SHLD1: variants seen among roughly 807,000 people sequenced by gnomAD.
SHLD1 encodes the protein shieldin complex subunit 1, also known as RINN1-REV7-interacting novel NHEJ regulator 3.
A neutral mutation model predicts 5.5 loss-of-function variants in SHLD1; 3 were observed. That is an observed-to-expected ratio of 0.54 (90% CI 0.25 to 1.40). The LOEUF (loss-of-function observed/expected upper bound fraction) is 1.40, where lower values mean the gene tolerates loss of function less well. Ranked by LOEUF, SHLD1 falls within the 40% of genes most tolerant of loss-of-function variation. The pLI, the probability that SHLD1 is intolerant of heterozygous loss-of-function variation, is 0.15. For synonymous variants in SHLD1, 92 were observed against 94.3 expected (o/e 0.98, Z 0.14); for missense variants, 210 against 244.4 (o/e 0.86, Z 0.94).
chr20:5,756,689 C>CTT (rs35462391), intron 1 of SHLD1: 29 of 80,360 alleles, frequency 3.6e-4, no homozygotes, highest in South Asian at 1.8e-3. Context: ...TTCTTTCTTT[C>CTT]TTTTTTTTTT....
At chr20:5,832,817 A>G in intron 2 of SHLD1, among the ~76,000 whole-genome samples, 1 of 138,326 alleles carries the variant, frequency 7.2e-6, no homozygotes, top group East Asian at 1.9e-4. Context: ...ATAAATAAAT[A>G]AATAAATAAA....
intron 2 of SHLD1, among the ~76,000 whole-genome samples, chr20:5,856,194 G>A (rs1411883685): frequency 1.3e-5 from 2 of 152,242 alleles, no homozygotes; most frequent in Admixed American, 6.5e-5. Context: ...ATTAACGTCT[G>A]AGCAGAGACC....
intron 2 of SHLD1, among the ~76,000 whole-genome samples, chr20:5,783,261 A>G (rs2087010895): frequency 6.6e-6 from 1 of 152,134 alleles, no homozygotes; most frequent in African/African-American, 2.4e-5. Flanking sequence ...GTCTCACTCC[A>G]TCACCCAGGC....
At chr20:5,850,394 G>C (rs1489798462) in intron 2 of SHLD1, among the ~76,000 whole-genome samples, 1 of 151,884 alleles carries the variant, frequency 6.6e-6, no homozygotes, top group East Asian at 1.9e-4. Flanking sequence ...CTAGGCTCTT[G>C]GGCATTCTCA....
Position 5,808,219 on chromosome 20 carries a change from G to A in SHLD1, c.178+35176G>A, listed in dbSNP as rs541715950. 7.3e-5 allele frequency among the ~76,000 whole-genome samples: 11 copies of A among 150,446 alleles called. No individual in the cohort carries two copies. The South Asian group carries it at 1.7e-3, about 23-fold the overall frequency. The stretch of plus-strand genomic sequence containing the variant: ...CCCTTGAACCTGGGACACAGAGGTT[G>A]CAGTGAGTCAAGATCACGCCACTGC... On this transcript the variant is annotated intron_variant, in intron 2 of 2. Coordinates refer to ENST00000303142, the MANE Select transcript of SHLD1 (RefSeq NM_152504.4).
chr20:5,838,419 T>C (rs2087814896), intron 2 of SHLD1, among the ~76,000 whole-genome samples: 2 of 152,236 alleles, frequency 1.3e-5, no homozygotes, highest in East Asian at 3.8e-4. Context: ...TTTTAAAAGC[T>C]ATGAGTATAT....
chr20:5,848,269 G>A (rs1459707652), intron 2 of SHLD1, among the ~76,000 whole-genome samples: 2 of 152,212 alleles, frequency 1.3e-5, no homozygotes, highest in Admixed American at 6.5e-5. Context: ...GCTGGGCATG[G>A]TGGCTCATGC....
rs182668491 is a variant in SHLD1 at position 5,862,832 on chromosome 20, T to C, written c.179-192T>C. ...CTTGGTCCACACAAGTAATATGTTC[T>C]CGTTGTGAGCAAGCAAGTGGCATAA... On this transcript the variant is annotated intron_variant, in intron 2 of 2. Transcript: ENST00000303142. 4.3e-3 allele frequency among the ~76,000 whole-genome samples: 653 copies of C among 152,338 alleles called. 3 individuals are homozygous for C. Among genetic ancestry groups the C allele is most frequent in the African/African-American group, 0.015 (607 of 41,576 alleles).
Position 5,859,767 on chromosome 20 carries a change from G to A in SHLD1, c.179-3257G>A, listed in dbSNP as rs543820785. 8.7e-4 allele frequency among the ~76,000 whole-genome samples: 132 copies of A among 152,276 alleles called. 2 individuals carry two copies. The highest frequency in any genetic ancestry group is 6.8e-3 in the Middle Eastern group (2 of 294). ...ACTGACATAGTAAATGACTCAACCC[G>A]TATGTCATTGGTCTTCTGAAGGGGA... is the stretch of plus-strand genomic sequence containing the variant. On this transcript the variant is annotated intron_variant, in intron 2 of 2. Coordinates refer to ENST00000303142, the MANE Select transcript of SHLD1 (RefSeq NM_152504.4).
intron 2 of SHLD1, among the ~76,000 whole-genome samples, chr20:5,822,991 TC>T (rs1282675690): frequency 2.3e-4 from 27 of 115,062 alleles, no homozygotes; most frequent in African/African-American, 8.7e-4. Context: ...TTGCCTTCCC[TC>T]CCCCACCCCG....
chr20:5,808,932 A>T (rs748433232), intron 2 of SHLD1, among the ~76,000 whole-genome samples: 1 of 152,178 alleles, frequency 6.6e-6, no homozygotes, highest in Non-Finnish European at 1.5e-5. Context: ...GAGTTAATTC[A>T]CAGTAAAGTG....
chr20:5,821,530 A>G (rs6107705), intron 2 of SHLD1, among the ~76,000 whole-genome samples: 1 of 152,072 alleles, frequency 6.6e-6, no homozygotes, highest in Non-Finnish European at 1.5e-5. Flanking sequence ...ACAAAACAAA[A>G]CAAAAAAACT....
At chr20:5,851,024 C>T (rs1352181322) in intron 2 of SHLD1, among the ~76,000 whole-genome samples, 1 of 152,178 alleles carries the variant, frequency 6.6e-6, no homozygotes, top group Non-Finnish European at 1.5e-5. Flanking sequence ...GACAATACAG[C>T]ACACAGACCA....
intron 2 of SHLD1, among the ~76,000 whole-genome samples, chr20:5,814,175 T>C (rs1191996498): frequency 2.6e-5 from 4 of 151,838 alleles, no homozygotes; most frequent in African/African-American, 9.7e-5. Context: ...AGGCTGGTCT[T>C]GAACTCCTGA....
At chr20:5,802,971 T>C (rs1309650611) in intron 2 of SHLD1, among the ~76,000 whole-genome samples, 1 of 152,200 alleles carries the variant, frequency 6.6e-6, no homozygotes, top group African/African-American at 2.4e-5. Context: ...TGGGTTCCAT[T>C]TTGCTCTGGC....
chr20:5,750,637 T>C (rs574752117), intron 1 of SHLD1, among the ~76,000 whole-genome samples, 158 bp downstream of exon 1: 10 of 152,186 alleles, frequency 6.6e-5, no homozygotes, highest in African/African-American at 2.4e-4. Flanking sequence ...CAACACACGG[T>C]GTCTGCAGCC....
At chr20:5,856,107 G>A (rs182992961) in intron 2 of SHLD1, among the ~76,000 whole-genome samples, 188 of 152,288 alleles carry the variant, frequency 1.2e-3, no homozygotes, top group Non-Finnish European at 2.0e-3. Context: ...ACCCTTTGCT[G>A]TTTCATGCCC....
At chr20:5,816,721 G>A (rs990198251) in intron 2 of SHLD1, among the ~76,000 whole-genome samples, 5 of 152,192 alleles carry the variant, frequency 3.3e-5, no homozygotes, top group Admixed American at 3.3e-4. Context: ...AAAAGGACCA[G>A]TTTAAAAACT....
chr20:5,803,742 C>T (rs1276875461), intron 2 of SHLD1, among the ~76,000 whole-genome samples: 1 of 151,806 alleles, frequency 6.6e-6, no homozygotes. Context: ...CGTGGTGGCA[C>T]ACACCTGTAG....
Sources: gnomAD v4.1 joint callset for allele counts (sites outside exome capture counted in the v4.1 genomes callset) on GRCh38, gnomAD v4.1.1 for gene constraint, MANE v1.5 for transcripts, NCBI Gene and HGNC (gene_info 2026-07-23, HGNC 2026-07-21) for gene names.